The following NOX4 variants were observed in gnomAD, a reference collection of about 807,000 sequenced individuals.
NOX4 encodes the protein kidney oxidase-1.
Under a neutral mutation model 87.6 loss-of-function variants are expected in NOX4, and 69 were observed. That is an observed-to-expected ratio of 0.79 (90% CI 0.65 to 0.96). NOX4 has a LOEUF of 0.96. Ranked by LOEUF, NOX4 falls within the 40% of genes least tolerant of loss-of-function variation. The probability of loss-of-function intolerance (pLI) is 0.00; values close to 1 mark genes in which losing one functional copy is unlikely to be tolerated. For missense variants in NOX4, 680 were observed against 681.5 expected (o/e 1.00, Z 0.02); for synonymous variants, 275 against 238.2 (o/e 1.15, Z -1.42).
At chr11:89,433,790 G>T (rs1310274133) in intron 6 of NOX4, among the ~76,000 whole-genome samples, 1 of 151,884 alleles carries the variant, frequency 6.6e-6, no homozygotes, top group East Asian at 1.9e-4. Flanking sequence ...CAAATATATT[G>T]TCAAAATTAT....
intron 6 of NOX4, among the ~76,000 whole-genome samples, chr11:89,436,953 A>G (rs1591245258): frequency 6.6e-6 from 1 of 152,292 alleles, no homozygotes; most frequent in Middle Eastern, 3.4e-3. Context: ...TTTTTACAAG[A>G]CAATCTTAAT....
At chr11:89,514,874 T>C in the NOX4 span, among the ~76,000 whole-genome samples, 1 of 152,148 alleles carries the variant, frequency 6.6e-6, no homozygotes, top group East Asian at 1.9e-4. Flanking sequence ...TGTTCTCTTT[T>C]GTTTCTGTTC....
upstream of NOX4, among the ~76,000 whole-genome samples, chr11:89,496,587 A>AT (rs1375359723): frequency 6.6e-6 from 1 of 151,938 alleles, no homozygotes; most frequent in East Asian, 1.9e-4. Context: ...CTGTAAAAAA[A>AT]AAAAGAGAAA....
intron 12 of NOX4, among the ~76,000 whole-genome samples, chr11:89,367,871 A>G (rs1939124225): frequency 6.6e-6 from 1 of 151,956 alleles, no homozygotes; most frequent in Non-Finnish European, 1.5e-5. Flanking sequence ...TTTTCCTGAC[A>G]TTCCAAGCTA....
At chr11:89,334,448 A>G (rs1945612672) in intron 17 of NOX4, among the ~76,000 whole-genome samples, 5 of 151,754 alleles carry the variant, frequency 3.3e-5, no homozygotes, top group Admixed American at 3.3e-4. Flanking sequence ...TCTGAATCAC[A>G]TGGGTAACGT....
At chr11:89,555,607 G>A in the NOX4 span, among the ~76,000 whole-genome samples, 1 of 152,080 alleles carries the variant, frequency 6.6e-6, no homozygotes, top group East Asian at 1.9e-4. Context: ...TGAAAGATGA[G>A]GCCTTCTCCA....
intron 6 of NOX4, among the ~76,000 whole-genome samples, chr11:89,438,927 TA>T (rs1213081797): frequency 1.7e-3 from 56 of 33,158 alleles, no homozygotes; most frequent in Middle Eastern, 0.031. Context: ...AAAATATATA[TA>T]ATAATATAAT....
intron 11 of NOX4, among the ~76,000 whole-genome samples, chr11:89,396,337 T>A (rs1941481593): frequency 6.6e-6 from 1 of 152,166 alleles, no homozygotes; most frequent in Non-Finnish European, 1.5e-5. Context: ...ATGTTTATGA[T>A]TTTTGCACAT....
At chr11:89,514,594 T>C in the NOX4 span, among the ~76,000 whole-genome samples, 10,083 of 152,058 alleles carry the variant, frequency 0.066, 477 homozygotes, top group Non-Finnish European at 0.1. Flanking sequence ...GGAAGAGCAT[T>C]GAGTACTTCT....
chr11:89,551,128 G>C, the NOX4 span, among the ~76,000 whole-genome samples: 1 of 152,092 alleles, frequency 6.6e-6, no homozygotes, highest in Non-Finnish European at 1.5e-5. Context: ...CCTCCTTTCT[G>C]TTCCATTGGT....
intron 7 of NOX4, among the ~76,000 whole-genome samples, chr11:89,428,613 AAAG>A (rs1478340402): frequency 6.6e-6 from 1 of 152,110 alleles, no homozygotes; most frequent in Non-Finnish European, 1.5e-5. Flanking sequence ...CAAAACAGAC[AAAG>A]AAGGCCATTA....
At chr11:89,443,398 A>T (rs1179230817) in intron 5 of NOX4, 1 of 151,830 alleles carries the variant, frequency 6.6e-6, no homozygotes, top group Non-Finnish European at 1.5e-5. Flanking sequence ...GAACAGGAAA[A>T]TAAGGGGGGG....
At chr11:89,522,822 C>G in the NOX4 span, among the ~76,000 whole-genome samples, 1 of 152,052 alleles carries the variant, frequency 6.6e-6, no homozygotes, top group African/African-American at 2.4e-5. Context: ...GAGTACTTCC[C>G]AGGCAACCAC....
chr11:89,376,017 T>C (rs1047291461), intron 11 of NOX4, among the ~76,000 whole-genome samples: 2 of 152,250 alleles, frequency 1.3e-5, no homozygotes, highest in African/African-American at 4.8e-5. Flanking sequence ...TCAAAGCAGA[T>C]ACTGTAAAAG....
chr11:89,403,325 C>T (rs984023844), intron 8 of NOX4, among the ~76,000 whole-genome samples: 1 of 152,086 alleles, frequency 6.6e-6, no homozygotes, highest in Admixed American at 6.6e-5. Flanking sequence ...TCAACAAGGT[C>T]ACTGCTGCAT....
intron 12 of NOX4, among the ~76,000 whole-genome samples, 155 bp downstream of exon 12, chr11:89,373,277 C>CAAAAAAAAAAAAAAA (rs144113376): frequency 4.6e-4 from 27 of 59,082 alleles, no homozygotes; most frequent in East Asian, 1.2e-3. Flanking sequence ...ACTGTACAAG[C>CAAAAAAAAAAAAAAA]AAAAAAAAAA....
chr11:89,525,249 G>T, the NOX4 span, among the ~76,000 whole-genome samples: 1 of 151,970 alleles, frequency 6.6e-6, no homozygotes, highest in Non-Finnish European at 1.5e-5. Flanking sequence ...ATGTGGAATA[G>T]CTTGATCATA....
intron 13 of NOX4, among the ~76,000 whole-genome samples, chr11:89,346,881 A>G (rs1190546193): frequency 6.6e-6 from 1 of 152,194 alleles, no homozygotes. Context: ...TGTGAATCCC[A>G]GCCCAGGGGT....
At chr11:89,561,906 C>CAGA in the NOX4 span, among the ~76,000 whole-genome samples, 2 of 152,076 alleles carry the variant, frequency 1.3e-5, no homozygotes, top group East Asian at 3.9e-4. Flanking sequence ...ATACTGCAGT[C>CAGA]AGAAGCAAGG....
Sources: gnomAD v4.1 joint callset for allele counts (sites outside exome capture counted in the v4.1 genomes callset) on GRCh38, gnomAD v4.1.1 for gene constraint, MANE v1.5 for transcripts, NCBI Gene and HGNC (gene_info 2026-07-23, HGNC 2026-07-21) for gene names.